Variants in FOXP2 observed in about 807,000 individuals in gnomAD.
FOXP2 encodes forkhead box P2.
Under a neutral mutation model 115.8 loss-of-function variants are expected in FOXP2, and 12 were observed. That is an observed-to-expected ratio of 0.10 (90% CI 0.07 to 0.17). The LOEUF is 0.17. Ranked by LOEUF, FOXP2 falls within the 10% of genes least tolerant of loss-of-function variation. FOXP2 has a pLI of 1.00. For missense variants in FOXP2, 629 were observed against 843.5 expected, an observed-to-expected ratio of 0.75 and a Z score of 3.15; for synonymous variants, 328 against 297.7, an observed-to-expected ratio of 1.10 and a Z score of -1.05.
intron 1 of FOXP2, among the ~76,000 whole-genome samples, chr7:114,123,941 A>G (rs1791633949): frequency 6.6e-6 from 1 of 152,036 alleles, no homozygotes; most frequent in South Asian, 2.1e-4. Context: ...ACTTTTGACA[A>G]CTTGATGCTC....
At chr7:114,245,490 G>A (rs1257723542) in intron 1 of FOXP2, among the ~76,000 whole-genome samples, 1 of 152,154 alleles carries the variant, frequency 6.6e-6, no homozygotes, top group African/African-American at 2.4e-5. Flanking sequence ...TGAAGTTGAG[G>A]AAGCTGTATC....
At chr7:114,397,640 C>G (rs1792775793) in intron 2 of FOXP2, among the ~76,000 whole-genome samples, 1 of 151,860 alleles carries the variant, frequency 6.6e-6, no homozygotes, top group African/African-American at 2.4e-5. Flanking sequence ...TTAATATGGC[C>G]AAAGCAGGAC....
chr7:114,163,500 C>T (rs1792893688), intron 1 of FOXP2, among the ~76,000 whole-genome samples: 1 of 151,768 alleles, frequency 6.6e-6, no homozygotes, highest in Admixed American at 6.6e-5. Flanking sequence ...CTTGAATCTA[C>T]CACCTGGTAA....
At chr7:114,184,988 A>G (rs536980184) in intron 1 of FOXP2, among the ~76,000 whole-genome samples, 6 of 152,286 alleles carry the variant, frequency 3.9e-5, no homozygotes, top group African/African-American at 1.2e-4. Flanking sequence ...GTTACGTCAT[A>G]TGATTCACTG....
intron 3 of FOXP2, among the ~76,000 whole-genome samples, chr7:114,613,497 A>G (rs1041204747): frequency 8.6e-5 from 13 of 151,994 alleles, no homozygotes; most frequent in African/African-American, 2.9e-4. Flanking sequence ...AACAAAGTGA[A>G]ACCCCGTCTC....
intron 1 of FOXP2, among the ~76,000 whole-genome samples, chr7:114,244,810 G>A (rs1795236744): frequency 6.6e-6 from 1 of 151,888 alleles, no homozygotes; most frequent in Non-Finnish European, 1.5e-5. Context: ...GGCCCAGGCG[G>A]GAGTGCAGTG....
intron 3 of FOXP2, among the ~76,000 whole-genome samples, chr7:114,604,006 A>G (rs937609506): frequency 6.6e-6 from 1 of 152,210 alleles, no homozygotes; most frequent in Non-Finnish European, 1.5e-5. Context: ...GATTTCAACT[A>G]TATGACTATT....
intron 2 of FOXP2, among the ~76,000 whole-genome samples, chr7:114,331,501 T>C (rs2129182984): frequency 6.6e-6 from 1 of 152,292 alleles, no homozygotes; most frequent in Admixed American, 6.5e-5. Flanking sequence ...TCTTGGCTAG[T>C]GTGCCAAGAA....
chr7:114,375,761 G>A lies in FOXP2; in HGVS notation c.-10-50741G>A, dbSNP rs568168045. On this transcript the variant is annotated intron_variant, in intron 2 of 17. Coordinates refer to the FOXP2 transcript ENST00000634411. ...CTCTCATCTTTAGATAGTCTAGCAT[G>A]AGCTTGTTGACCGGGCTGCTGGCTT... is the stretch of plus-strand genomic sequence containing the variant. 1.2e-4 allele frequency among the ~76,000 whole-genome samples: 18 copies of A among 152,266 alleles called. 1 individual carries two copies. The South Asian group carries it at 3.7e-3, about 32-fold the overall frequency.
chr7:114,691,592 T>C lies in FOXP2; in HGVS notation c.*1666T>C. Reference sequence around the variant, plus strand: ...GTTGAAAATAGCATAGTCAGATGTTTGCTTAAAACCTAGAAACTTAACATG... The same window carrying C: ...GTTGAAAATAGCATAGTCAGATGTTCGCTTAAAACCTAGAAACTTAACATG... On this transcript the variant is annotated 3_prime_UTR_variant, in exon 17 of 17. Transcript: ENST00000350908. 1 of 454,006 alleles carries C rather than the reference T, an allele frequency of 2.2e-6. No homozygotes were observed. The highest frequency in any genetic ancestry group is 4.4e-6 in the Non-Finnish European group (1 of 226,748). The allele number at this position is 454,006 out of a possible 1,614,324, so 28.1% of individuals were successfully genotyped here. A position where few individuals can be genotyped will look rare whatever the true frequency, so the allele number is the denominator to read the frequency against.
At chr7:114,140,620 C>T (rs1792179887) in intron 1 of FOXP2, among the ~76,000 whole-genome samples, 2 of 152,194 alleles carry the variant, frequency 1.3e-5, no homozygotes, top group African/African-American at 2.4e-5. Flanking sequence ...CATGCACTGG[C>T]AGGTAACTAG....
At chr7:114,435,819 G>C (rs756806815) in intron 2 of FOXP2, among the ~76,000 whole-genome samples, 1 of 152,150 alleles carries the variant, frequency 6.6e-6, no homozygotes, top group East Asian at 1.9e-4. Flanking sequence ...GATTACAGGC[G>C]TGAGCCATTG....
intron 1 of FOXP2, among the ~76,000 whole-genome samples, chr7:114,137,298 A>G (rs1273806325): frequency 4.6e-5 from 7 of 152,186 alleles, no homozygotes; most frequent in Admixed American, 4.6e-4. Context: ...CTATAAGTCA[A>G]TGACTTTTAA....
intron 2 of FOXP2, among the ~76,000 whole-genome samples, chr7:114,371,256 T>C (rs991785538): frequency 1.3e-4 from 19 of 151,156 alleles, no homozygotes; most frequent in African/African-American, 4.4e-4. Flanking sequence ...AATTTTTTTT[T>C]TTTTTTTGTA....
intron 1 of FOXP2, 59 bp from the exon 2 acceptor site, chr7:114,426,443 T>C: frequency 1.3e-6 from 2 of 1,523,798 alleles, no homozygotes; most frequent in South Asian, 2.3e-5. Flanking sequence ...AGGGACATCT[T>C]GATAATGGAA....
At chr7:114,458,528 A>G (rs541613541) in intron 2 of FOXP2, among the ~76,000 whole-genome samples, 1 of 150,172 alleles carries the variant, frequency 6.7e-6, no homozygotes, top group East Asian at 1.9e-4. Context: ...CAGTTGCTTA[A>G]CTATGATATT....
chr7:114,278,228 A>C lies in FOXP2; in HGVS notation c.-101-9791A>C, dbSNP rs530051044. On this transcript the variant is annotated intron_variant, in intron 1 of 17. Coordinates refer to the FOXP2 transcript ENST00000634411. ...AGAGGCAAAAATGTATTCATTAAAA[A>C]TGCCAGCCTGAAATTTGGATTATCT... Among the ~76,000 whole-genome samples the C allele has an allele frequency of 3.3e-5, 5 of 152,302 alleles. No homozygotes were observed. In the South Asian group the frequency reaches 6.2e-4, roughly 19 times the overall value.
At chr7:114,324,224 T>A (rs911692118) in intron 2 of FOXP2, among the ~76,000 whole-genome samples, 2 of 151,964 alleles carry the variant, frequency 1.3e-5, no homozygotes, top group African/African-American at 4.8e-5. Context: ...TTTTCACTTC[T>A]TTGACCATAT....
At chr7:114,560,860 G>A (rs1012800859) in intron 3 of FOXP2, 1 of 152,110 alleles carries the variant, frequency 6.6e-6, no homozygotes, top group Non-Finnish European at 1.5e-5. Context: ...TTTTAACTTT[G>A]ATTTCAAGTC....
Sources: gnomAD v4.1 joint callset for allele counts (sites outside exome capture counted in the v4.1 genomes callset) on GRCh38, gnomAD v4.1.1 for gene constraint, MANE v1.5 for transcripts, NCBI Gene and HGNC (gene_info 2026-07-23, HGNC 2026-07-21) for gene names.